ANK1: variants seen among roughly 807,000 people sequenced by gnomAD.
The protein encoded by ANK1 is ankyrin-1.
In ANK1, 51 loss-of-function variants were observed where a neutral mutation model predicts 210.4. That is an observed-to-expected ratio of 0.24 (90% CI 0.19 to 0.31). The LOEUF (loss-of-function observed/expected upper bound fraction) is 0.31. Ranked by LOEUF, ANK1 falls within the 10% of genes least tolerant of loss-of-function variation. ANK1 has a pLI of 1.00. For missense variants in ANK1, 2,051 were observed against 2,504.4 expected, an observed-to-expected ratio of 0.82 and a Z score of 3.86; for synonymous variants, 967 against 1,025.9, an observed-to-expected ratio of 0.94 and a Z score of 1.10.
intron 4 of ANK1, 148 bp downstream of exon 4, chr8:41,727,760 G>T: frequency 2.6e-6 from 2 of 755,492 alleles, no homozygotes. Flanking sequence ...CTTCACCACT[G>T]CTCAGAGACA....
chr8:41,796,672 G>A (rs539952446), intron 1 of ANK1, among the ~76,000 whole-genome samples: 2 of 151,024 alleles, frequency 1.3e-5, no homozygotes, highest in South Asian at 4.2e-4. Context: ...GAAATGCCCT[G>A]CCCGCGACTA....
chr8:41,760,454 G>A (rs1165611051), intron 1 of ANK1, among the ~76,000 whole-genome samples: 2 of 152,170 alleles, frequency 1.3e-5, no homozygotes, highest in Non-Finnish European at 2.9e-5. Context: ...CCCCAGCCAC[G>A]TTGGACTGTG....
intron 37 of ANK1, among the ~76,000 whole-genome samples, chr8:41,680,556 ACT>A (rs1815650871): frequency 7.5e-6 from 1 of 134,150 alleles, no homozygotes; most frequent in Admixed American, 7.8e-5. Flanking sequence ...CAAGGGTGAA[ACT>A]CTATCTCAAA....
Position 41,896,263 on chromosome 8 carries a change from G to C in ANK1, c.126+92C>G, listed in dbSNP as rs557731474. The C allele has an allele frequency of 6.0e-4, 848 of 1,420,174 alleles. 10 individuals are homozygous for C. In the African/African-American group the frequency reaches 0.011, roughly 18 times the overall value. 88.0% of individuals were successfully genotyped at this position (1,420,174 alleles called of 1,614,324 possible). A position where few individuals can be genotyped will look rare whatever the true frequency, so the allele number is the denominator to read the frequency against. ...CCAACTCCGCCGCACCGGGCGCCGC[G>C]CCCCACCGCGTCCCGGGCCGCCCGA... On this transcript the variant is annotated intron_variant, in intron 1 of 42. Transcript: ENST00000265709.
chr8:41,724,475 C>T lies in ANK1; in HGVS notation c.692G>A (p.Ser231Asn). 1 of 1,590,336 alleles carries T rather than the reference C, an allele frequency of 6.3e-7. No homozygotes were observed. The highest frequency in any genetic ancestry group is 8.6e-7 in the Non-Finnish European group (1 of 1,168,318). Residue 231 changes from serine (S) to asparagine (N), a missense_variant, in exon 7 of 43, where the codon AGC becomes AAC. Around this residue, in one of 6 missense-constraint regions of ANK1, gnomAD observed 1,413 missense variants for 1,707.4 expected, o/e 0.83. Transcript: ENST00000289734. ...VAQLLLNRGA[S>N]VNFTPQNGIT... ...GGTTACCTGTGGTGTGAAATTGACG[C>T]TGGCTCCTCTGTTGAGGAGCAACTG... is the stretch of plus-strand genomic sequence containing the variant.
At chr8:41,751,387 A>T (rs1837668526) in intron 2 of ANK1, among the ~76,000 whole-genome samples, 1 of 152,140 alleles carries the variant, frequency 6.6e-6, no homozygotes, top group Non-Finnish European at 1.5e-5. Flanking sequence ...GACCTGCTCG[A>T]TGTTACCAAG....
In ANK1 at chr8:41,828,005, CAAT is replaced by C. The variant is rs1336966198; in HGVS notation, c.126+68347_126+68349del. Among the ~76,000 whole-genome samples, 3 of 151,306 alleles carry C rather than the reference CAAT, an allele frequency of 2.0e-5. No homozygotes were observed. In the East Asian group the frequency reaches 5.9e-4, roughly 30 times the overall value. On this transcript the variant is annotated intron_variant, in intron 1 of 42. Transcript: ENST00000265709. The stretch of plus-strand genomic sequence containing the variant: ...CCCGACACACACACCCTTGCCCAAG[CAAT>C]AAAGAGGAAGCCCCCACTGTTTGCA...
intron 1 of ANK1, among the ~76,000 whole-genome samples, chr8:41,803,825 T>C (rs1850533521): frequency 6.6e-6 from 1 of 152,152 alleles, no homozygotes; most frequent in Non-Finnish European, 1.5e-5. Context: ...ATTGCATTAA[T>C]AGATTTTTCT....
At chr8:41,770,915 C>T (rs1842849648) in intron 1 of ANK1, among the ~76,000 whole-genome samples, 1 of 152,192 alleles carries the variant, frequency 6.6e-6, no homozygotes, top group Non-Finnish European at 1.5e-5. Flanking sequence ...TGGTGGCCTG[C>T]CACCAGGACT....
In ANK1 at chr8:41,704,289, A is replaced by G. The variant is rs947481137; in HGVS notation, c.2196+85T>C. On this transcript the variant is annotated intron_variant, in intron 19 of 42. Coordinates refer to ENST00000289734, the MANE Select transcript of ANK1 (RefSeq NM_000037.4). This position sits in a 1 kb window ranked among gnomAD's most constrained non-coding sequence, Gnocchi z 4.1. ...CTTCAGGGTCCATGGTCAAAACCCT[A>G]GTGCTCCCAGAGCAGCTCTGGCTTT... 2 of 1,444,350 alleles carry G rather than the reference A, an allele frequency of 1.4e-6. No homozygotes were observed. The highest frequency in any genetic ancestry group is 1.9e-6 in the Non-Finnish European group (2 of 1,027,270). The allele number at this position is 1,444,350 out of a possible 1,614,324, so 89.5% of individuals were successfully genotyped here.
rs192838130 is a variant in ANK1 at position 41,744,872 on chromosome 8, C to T, written c.130-10803G>A. Among the ~76,000 whole-genome samples the T allele has an allele frequency of 3.9e-4, 59 of 152,274 alleles. 2 individuals carry two copies. Among genetic ancestry groups the T allele is most frequent in the Admixed American group, 3.8e-3 (58 of 15,302 alleles). On this transcript the variant is annotated intron_variant, in intron 2 of 42. Transcript: ENST00000289734. Reference sequence around the variant, plus strand: ...CTATGGTATTCCTGTCCAGCATGGCCATATGGCCATGAGGCAGCATCAGAC... The same window carrying T: ...CTATGGTATTCCTGTCCAGCATGGCTATATGGCCATGAGGCAGCATCAGAC...
chr8:41,703,422 G>GTATATATATATATATATATA lies in ANK1; in HGVS notation c.2295+599_2295+618dup, dbSNP rs57077078. Among the ~76,000 whole-genome samples, 40 of 53,720 alleles carry GTATATATATATATATATATA rather than the reference G, an allele frequency of 7.4e-4. 2 individuals are homozygous for GTATATATATATATATATATA. Among genetic ancestry groups the GTATATATATATATATATATA allele is most frequent in the East Asian group, 1.1e-3 (2 of 1,750 alleles). The allele number at this position is 53,720 out of a possible 152,430, so 35.2% of individuals were successfully genotyped here. On this transcript the variant is annotated intron_variant, in intron 20 of 42. Coordinates refer to ENST00000289734, the MANE Select transcript of ANK1 (RefSeq NM_000037.4). ...TATATGTGTGTGTGTGTGTGTGTGT[G>GTATATATATATATATATATA]TATATATATATATATATATATATAT...
intron 21 of ANK1, 121 bp downstream of exon 21, chr8:41,701,931 C>T: frequency 1.9e-6 from 2 of 1,051,750 alleles, no homozygotes; most frequent in Non-Finnish European, 2.9e-6. Context: ...CCGTCGGGCG[C>T]GGCGCCTCCG....
At chr8:41,724,759 C>T (rs1830236674) in intron 6 of ANK1, among the ~76,000 whole-genome samples, 1 of 152,044 alleles carries the variant, frequency 6.6e-6, no homozygotes, top group Non-Finnish European at 1.5e-5. Flanking sequence ...CTGAGCAACC[C>T]GAATTATATG....
intron 1 of ANK1, among the ~76,000 whole-genome samples, chr8:41,773,533 T>G (rs966087784): frequency 3.9e-5 from 6 of 152,202 alleles, no homozygotes; most frequent in African/African-American, 1.2e-4. Flanking sequence ...GCCCACTCTT[T>G]GGCATGGCTT....
intron 34 of ANK1, 84 bp downstream of exon 34, chr8:41,688,427 C>T: frequency 6.5e-7 from 1 of 1,534,880 alleles, no homozygotes; most frequent in Admixed American, 1.7e-5. Context: ...CTCAGCAGAA[C>T]CCTCACAGGG....
chr8:41,836,473 C>T (rs1332568347), intron 1 of ANK1, among the ~76,000 whole-genome samples: 1 of 152,230 alleles, frequency 6.6e-6, no homozygotes, highest in Non-Finnish European at 1.5e-5. Context: ...GTGCTGGGCC[C>T]TTCCTTGACA....
intron 3 of ANK1, among the ~76,000 whole-genome samples, chr8:41,729,210 C>T (rs563413391): frequency 1.3e-5 from 2 of 152,110 alleles, no homozygotes; most frequent in Non-Finnish European, 2.9e-5. Flanking sequence ...GAATATGCAA[C>T]ATACTAGTAA....
chr8:41,811,048 C>G (rs1191481062), intron 1 of ANK1, among the ~76,000 whole-genome samples: 1 of 152,212 alleles, frequency 6.6e-6, no homozygotes, highest in Non-Finnish European at 1.5e-5. Flanking sequence ...GTGATGTTAT[C>G]TCTAGGGATA....
Sources: allele counts gnomAD v4.1 joint callset (sites outside exome capture counted in the v4.1 genomes callset), GRCh38; gene constraint gnomAD v4.1.1; regional missense constraint gnomAD v4.1.1; non-coding constraint Gnocchi (gnomAD v3.1); transcripts MANE v1.5; gene names NCBI Gene and HGNC (gene_info 2026-07-23, HGNC 2026-07-21).